The following GLRB variants were observed in gnomAD, a reference collection of about 807,000 sequenced individuals.
GLRB encodes the protein glycine receptor beta, also known as glycine receptor subunit beta.
In GLRB, 33 loss-of-function variants were observed where a neutral mutation model predicts 54.2. The ratio of observed to expected loss-of-function variants is 0.61; its 90% CI spans 0.46 to 0.81. GLRB has a LOEUF of 0.81. Among genes scored for constraint, GLRB ranks in the 40% least tolerant of loss-of-function variants. The probability of loss-of-function intolerance (pLI) is 0.00; values close to 1 mark genes in which losing one functional copy is unlikely to be tolerated. For missense variants in GLRB, 572 were observed against 584.6 expected, an observed-to-expected ratio of 0.98 and a Z score of 0.22; for synonymous variants, 209 against 208.2, an observed-to-expected ratio of 1.00 and a Z score of -0.03.
rs1007263611 is a variant in GLRB at position 157,076,179 on chromosome 4, C to G, written c.-148C>G. On this transcript the variant is annotated 5_prime_UTR_variant, in exon 1 of 10. Coordinates refer to ENST00000264428, the MANE Select transcript of GLRB (RefSeq NM_000824.5). ...GCGTCAGCCGAGCTCGGCGGTGGCG[C>G]GGGCGGCTGGGACGCAGCTGCCCCC... is the stretch of plus-strand genomic sequence containing the variant. 35 of 149,846 alleles carry G rather than the reference C, an allele frequency of 2.3e-4. No individual in the cohort carries two copies. Among genetic ancestry groups the G allele is most frequent in the African/African-American group, 7.5e-4 (31 of 41,252 alleles). 9.3% of individuals were successfully genotyped at this position (149,846 alleles called of 1,614,324 possible). A position where few individuals can be genotyped will look rare whatever the true frequency, so the allele number is the denominator to read the frequency against.
chr4:157,110,449 A>AG (rs772323110), intron 2 of GLRB, among the ~76,000 whole-genome samples: 49 of 151,550 alleles, frequency 3.2e-4, no homozygotes, highest in Admixed American at 3.9e-4. Flanking sequence ...TGAATTTTTT[A>AG]GTTTATTATA....
chr4:157,133,906 G>A (rs1435469972), intron 4 of GLRB, among the ~76,000 whole-genome samples: 1 of 151,906 alleles, frequency 6.6e-6, no homozygotes, highest in Non-Finnish European at 1.5e-5. Flanking sequence ...AATTCCTAAA[G>A]AAATTTAAAA....
intron 2 of GLRB, among the ~76,000 whole-genome samples, chr4:157,117,333 C>T (rs2126522567): frequency 6.6e-6 from 1 of 151,808 alleles, no homozygotes; most frequent in South Asian, 2.1e-4. Context: ...TCTTCATACA[C>T]CATGTACTCT....
chr4:157,118,234 T>C (rs986513954), intron 2 of GLRB, among the ~76,000 whole-genome samples: 1 of 151,716 alleles, frequency 6.6e-6, no homozygotes, highest in African/African-American at 2.4e-5. Flanking sequence ...AGATTTTATA[T>C]GAAGAGACAC....
intron 4 of GLRB, among the ~76,000 whole-genome samples, chr4:157,125,099 T>C (rs1179108032): frequency 6.6e-6 from 1 of 151,870 alleles, no homozygotes; most frequent in Non-Finnish European, 1.5e-5. Context: ...AACACTTCAT[T>C]TCTTCATAAT....
intron 9 of GLRB, among the ~76,000 whole-genome samples, chr4:157,163,070 C>T (rs1216714527): frequency 6.6e-6 from 1 of 152,188 alleles, no homozygotes; most frequent in Admixed American, 6.5e-5. Flanking sequence ...TTCCACCTCG[C>T]AGTTCGATCT....
chr4:157,084,609 G>C, intron 2 of GLRB: 1 of 456,128 alleles, frequency 2.2e-6, no homozygotes, highest in Admixed American at 2.3e-5. Flanking sequence ...ACTAAAAATT[G>C]TGTGTGCATA....
intron 2 of GLRB, among the ~76,000 whole-genome samples, chr4:157,100,992 A>G (rs1202936583): frequency 6.6e-6 from 1 of 152,166 alleles, no homozygotes; most frequent in Non-Finnish European, 1.5e-5. Context: ...TGGTGGTAGT[A>G]GACACTTACT....
Position 157,145,316 on chromosome 4 carries a change from A to T in GLRB, c.904+1357A>T, listed in dbSNP as rs189317533. 2.8e-3 allele frequency among the ~76,000 whole-genome samples: 430 copies of T among 152,284 alleles called. 1 individual carries two copies. Among genetic ancestry groups the T allele is most frequent in the Non-Finnish European group, 3.8e-3 (258 of 68,026 alleles). ...ACTTGGGTTTGAAAGCCAGTTCTGG[A>T]TTTACTAGCTGTGACAAGTTGGACA... On this transcript the variant is annotated intron_variant, in intron 8 of 9. Coordinates refer to ENST00000264428, the MANE Select transcript of GLRB (RefSeq NM_000824.5).
At chr4:157,111,938 T>G (rs1735434209) in intron 2 of GLRB, among the ~76,000 whole-genome samples, 1 of 152,024 alleles carries the variant, frequency 6.6e-6, no homozygotes, top group Admixed American at 6.6e-5. Flanking sequence ...AATATTCTTT[T>G]TTTTCCTTGA....
rs368298200 is a variant in GLRB at position 157,143,908 on chromosome 4, T to G, written c.853T>G (p.Trp285Gly). The G allele has an allele frequency of 3.1e-6, 5 of 1,613,948 alleles. No homozygotes were observed. The highest frequency in any genetic ancestry group is 4.2e-6 in the Non-Finnish European group (5 of 1,179,992). The stretch of plus-strand genomic sequence containing the variant: ...AACTCTGCTCATTGTTGTTCTCTCC[T>G]GGCTTTCCTTCTGGATCAACCCGGA... Reference protein sequence around the residue: ...APTLLIVVLSWLSFWINPDAS... With the variant: ...APTLLIVVLSGLSFWINPDAS... The change falls in exon 8 of 10, where the codon TGG becomes GGG. Residue 285 changes from tryptophan (W) to glycine (G), a missense_variant. Physicochemically the swap from Trp to Gly is radical, Grantham distance 184 (BLOSUM62 -2). Coordinates refer to ENST00000264428, the MANE Select transcript of GLRB (RefSeq NM_000824.5).
chr4:157,125,746 C>T (rs886788201), intron 4 of GLRB, among the ~76,000 whole-genome samples: 5 of 151,208 alleles, frequency 3.3e-5, no homozygotes, highest in South Asian at 2.1e-4. Flanking sequence ...CCAGCCTGGC[C>T]GACACTGTGA....
At chr4:157,076,439 G>C (rs1560926893) in intron 1 of GLRB, 142 bp downstream of exon 1, 1 of 151,576 alleles carries the variant, frequency 6.6e-6, no homozygotes, top group African/African-American at 2.4e-5. Flanking sequence ...CGGCGTGCCC[G>C]GGAGGACGCG....
At chr4:157,081,014 C>G (rs931778838) in intron 2 of GLRB, among the ~76,000 whole-genome samples, 1 of 152,132 alleles carries the variant, frequency 6.6e-6, no homozygotes, top group Non-Finnish European at 1.5e-5. Context: ...TGAGTCAGAT[C>G]ATAAACTTTT....
chr4:157,137,658 G>A (rs1032746629), intron 6 of GLRB, among the ~76,000 whole-genome samples: 15 of 152,058 alleles, frequency 9.9e-5, no homozygotes, highest in East Asian at 3.9e-4. Flanking sequence ...ATAATGTACC[G>A]AAATGGATCC....
rs1306303890 is a variant in GLRB at position 157,136,652 on chromosome 4, A to T, written c.481A>T (p.Ile161Phe). 6.2e-6 allele frequency: 10 copies of T among 1,612,838 alleles called. No individual in the cohort carries two copies. Among genetic ancestry groups the T allele is most frequent in the Non-Finnish European group, 6.8e-6 (8 of 1,179,006 alleles). Residue 161 changes from isoleucine to phenylalanine, a missense_variant, in exon 5 of 10, where the codon ATC becomes TTC. Transcript: ENST00000264428. ...TTTTCATGATGTGACCCAGGAAAAC[A>T]TCCTCCTCTTTATTTTTCGTGATGG... ...ANFHDVTQENILLFIFRDGDV... is the reference protein window; with the variant it reads ...ANFHDVTQENFLLFIFRDGDV...
intron 7 of GLRB, among the ~76,000 whole-genome samples, chr4:157,142,748 A>C (rs1639175815): frequency 6.6e-6 from 1 of 152,038 alleles, no homozygotes; most frequent in Non-Finnish European, 1.5e-5. Flanking sequence ...AATTTGTTTC[A>C]CCATTTTAAA....
intron 7 of GLRB, among the ~76,000 whole-genome samples, chr4:157,140,590 A>G (rs1287868994): frequency 3.3e-5 from 5 of 151,934 alleles, no homozygotes; most frequent in Admixed American, 3.3e-4. Context: ...CATCCCAACA[A>G]TTCTATGAAT....
At chr4:157,088,786 C>T (rs1035098186) in intron 2 of GLRB, among the ~76,000 whole-genome samples, 1 of 152,082 alleles carries the variant, frequency 6.6e-6, no homozygotes, top group African/African-American at 2.4e-5. Flanking sequence ...AAATTTTCTT[C>T]GTTTCTTTGG....
Sources: allele counts gnomAD v4.1 joint callset (sites outside exome capture counted in the v4.1 genomes callset), GRCh38; gene constraint gnomAD v4.1.1; transcripts MANE v1.5; gene names NCBI Gene and HGNC (gene_info 2026-07-23, HGNC 2026-07-21).